Variants in CCDC192 observed in about 807,000 individuals in gnomAD.
CCDC192 encodes the protein coiled-coil domain containing 192.
At chr5:127,704,246 T>C (rs867302503) in intron 1 of CCDC192, among the ~76,000 whole-genome samples, 1 of 149,104 alleles carries the variant, frequency 6.7e-6, no homozygotes, top group Non-Finnish European at 1.5e-5. Context: ...TGGAGTGCAA[T>C]GGAGTGATCT....
At chr5:127,713,665 C>T (rs1751463133) in intron 2 of CCDC192, among the ~76,000 whole-genome samples, 1 of 152,076 alleles carries the variant, frequency 6.6e-6, no homozygotes, top group South Asian at 2.1e-4. Flanking sequence ...AATTTTTATT[C>T]TAGGAATGTT....
intron 5 of CCDC192, among the ~76,000 whole-genome samples, chr5:127,852,098 A>C (rs1479670148): frequency 6.6e-6 from 1 of 152,188 alleles, no homozygotes; most frequent in African/African-American, 2.4e-5. Flanking sequence ...TTTGTGCTCA[A>C]AATGTTTTCC....
At chr5:127,730,480 C>A (rs960082884) in intron 2 of CCDC192, among the ~76,000 whole-genome samples, 2 of 152,014 alleles carry the variant, frequency 1.3e-5, no homozygotes, top group Non-Finnish European at 2.9e-5. Flanking sequence ...TGAAACTATT[C>A]CAAGCAATTG....
At chr5:127,790,155 C>G (rs1316944754) in intron 3 of CCDC192, among the ~76,000 whole-genome samples, 1 of 152,168 alleles carries the variant, frequency 6.6e-6, no homozygotes, top group Non-Finnish European at 1.5e-5. Context: ...AAGGATTATT[C>G]TAGATTATTC....
chr5:127,737,853 C>T (rs1480320395), intron 2 of CCDC192, among the ~76,000 whole-genome samples: 2 of 152,060 alleles, frequency 1.3e-5, no homozygotes, highest in Non-Finnish European at 2.9e-5. Context: ...TTCCTGAATA[C>T]AGCACACTGA....
At chr5:127,743,582 C>T (rs1753558057) in intron 2 of CCDC192, among the ~76,000 whole-genome samples, 1 of 152,158 alleles carries the variant, frequency 6.6e-6, no homozygotes, top group Non-Finnish European at 1.5e-5. Context: ...ATCCAGGCCA[C>T]CATCCTCCCA....
intron 5 of CCDC192, among the ~76,000 whole-genome samples, chr5:127,824,681 A>C (rs1376805324): frequency 6.6e-6 from 1 of 152,190 alleles, no homozygotes; most frequent in African/African-American, 2.4e-5. Flanking sequence ...ATCTCTGTTT[A>C]AAAATCCATT....
intron 6 of CCDC192, among the ~76,000 whole-genome samples, chr5:127,905,811 G>T (rs1281224412): frequency 6.6e-6 from 1 of 152,050 alleles, no homozygotes; most frequent in East Asian, 1.9e-4. Flanking sequence ...AAAAAGCAGG[G>T]ATTACCCAAT....
chr5:127,830,706 A>G (rs1749750529), intron 5 of CCDC192, among the ~76,000 whole-genome samples: 1 of 151,966 alleles, frequency 6.6e-6, no homozygotes, highest in Non-Finnish European at 1.5e-5. Flanking sequence ...GGCCCACAAC[A>G]TTCTCTTGCC....
At chr5:127,741,093 C>A (rs951481745) in intron 2 of CCDC192, among the ~76,000 whole-genome samples, 11 of 151,922 alleles carry the variant, frequency 7.2e-5, no homozygotes, top group African/African-American at 2.7e-4. Context: ...CAGGTTCTTG[C>A]TCTATCATCC....
intron 2 of CCDC192, among the ~76,000 whole-genome samples, chr5:127,709,204 A>AGG (rs1751172782): frequency 1.0e-4 from 1 of 10,008 alleles, no homozygotes; most frequent in Admixed American, 5.8e-4. Flanking sequence ...AGAGAGGGGG[A>AGG]GAGAGAGAGA....
At chr5:127,895,469 A>G (rs1194188387) in intron 6 of CCDC192, among the ~76,000 whole-genome samples, 1 of 152,232 alleles carries the variant, frequency 6.6e-6, no homozygotes, top group Non-Finnish European at 1.5e-5. Flanking sequence ...ATTTGTTTTA[A>G]TGAGTATTCC....
chr5:127,753,168 A>T (rs1296932993), intron 2 of CCDC192, among the ~76,000 whole-genome samples: 1 of 152,206 alleles, frequency 6.6e-6, no homozygotes, highest in Admixed American at 6.5e-5. Context: ...AATTGGAAGC[A>T]GCTGCAGCAG....
At chr5:127,714,826 C>T (rs1010163615) in intron 2 of CCDC192, among the ~76,000 whole-genome samples, 6 of 152,142 alleles carry the variant, frequency 3.9e-5, no homozygotes, top group Non-Finnish European at 7.3e-5. Context: ...TCCATTCTAA[C>T]TAGGGTGAGA....
At chr5:127,872,174 A>C (rs1162090407) in intron 5 of CCDC192, among the ~76,000 whole-genome samples, 1 of 152,246 alleles carries the variant, frequency 6.6e-6, no homozygotes. Context: ...AAAAAGATGA[A>C]GATGTTGAAC....
At chr5:127,727,080 G>A (rs1028940484) in intron 2 of CCDC192, among the ~76,000 whole-genome samples, 2 of 152,122 alleles carry the variant, frequency 1.3e-5, no homozygotes, top group Admixed American at 6.5e-5. Flanking sequence ...AGCCTCCTCT[G>A]GTGACACCTC....
chr5:127,714,972 G>GTT (rs35407058), intron 2 of CCDC192, among the ~76,000 whole-genome samples: 4,464 of 149,796 alleles, frequency 0.03, 82 homozygotes, highest in East Asian at 0.052. Context: ...AAATTATTAG[G>GTT]TTTTTTTTTT....
At chr5:127,871,357 T>G (rs1751852134) in intron 5 of CCDC192, among the ~76,000 whole-genome samples, 1 of 152,262 alleles carries the variant, frequency 6.6e-6, no homozygotes. Flanking sequence ...CTGTAAAGTA[T>G]GATAACTCCC....
Position 127,918,973 on chromosome 5 carries a change from ATATG to A in CCDC192, c.536-22207_536-22204del, listed in dbSNP as rs1753615481. 1.2e-4 allele frequency among the ~76,000 whole-genome samples: 13 copies of A among 109,356 alleles called. No homozygotes were observed. In the South Asian group the frequency reaches 4.1e-3, roughly 34 times the overall value. 71.7% of individuals were successfully genotyped at this position (109,356 alleles called of 152,430 possible). On this transcript the variant is annotated intron_variant, in intron 6 of 6. Transcript: ENST00000514853. ...TGTATATATGTGTGTGTCTGTGTGT[ATATG>A]TGTGTGTGCATGTTTGTATATGTGT... is the stretch of plus-strand genomic sequence containing the variant.
Sources: gnomAD v4.1 joint callset for allele counts (sites outside exome capture counted in the v4.1 genomes callset) on GRCh38, gnomAD v4.1.1 for gene constraint, MANE v1.5 for transcripts, NCBI Gene and HGNC (gene_info 2026-07-23, HGNC 2026-07-21) for gene names.